The following GRID1 variants were observed in gnomAD, a reference collection of about 807,000 sequenced individuals.
GRID1 encodes the protein glutamate receptor ionotropic, delta-1.
GRID1 carries 28 observed loss-of-function variants against 98.0 expected under a neutral mutation model. That is an observed-to-expected ratio of 0.29 (90% CI 0.21 to 0.39). GRID1 has a LOEUF of 0.39. Ranked by LOEUF, GRID1 falls within the 10% of genes least tolerant of loss-of-function variation. The pLI is 1.00. For missense variants in GRID1, 1,111 were observed against 1,340.5 expected (o/e 0.83, Z 2.67); for synonymous variants, 553 against 538.5 (o/e 1.03, Z -0.37).
chr10:86,311,452 A>G (rs1410463937), intron 2 of GRID1, among the ~76,000 whole-genome samples: 2 of 152,180 alleles, frequency 1.3e-5, no homozygotes, highest in African/African-American at 4.8e-5. Flanking sequence ...GTGGCTCCAC[A>G]ACAAAACTTG....
Position 86,268,270 on chromosome 10 carries a change from C to T in GRID1, c.236-61622G>A, listed in dbSNP as rs370630882. ...CTGCTCTGGCCAATAAAATGGAAGC[C>T]GTGTGATAAGCATTTCTTCCCGGCA... On this transcript the variant is annotated intron_variant, in intron 2 of 15. Coordinates refer to ENST00000327946, the MANE Select transcript of GRID1 (RefSeq NM_017551.3). Among the ~76,000 whole-genome samples, 44 of 152,326 alleles carry T rather than the reference C, an allele frequency of 2.9e-4. No individual in the cohort carries two copies. In the South Asian group the frequency reaches 3.1e-3, roughly 11 times the overall value.
At chr10:85,606,054 T>G (rs573185368) in intron 15 of GRID1, 1 of 152,306 alleles carries the variant, frequency 6.6e-6, no homozygotes, top group East Asian at 1.9e-4. Context: ...TAATGGAGCA[T>G]TTAGAATCAA....
At chr10:85,693,993 C>T (rs971787125) in intron 12 of GRID1, among the ~76,000 whole-genome samples, 3 of 152,090 alleles carry the variant, frequency 2.0e-5, no homozygotes, top group African/African-American at 7.2e-5. Context: ...AGACAACATG[C>T]AAAATGGGAG....
At chr10:86,063,358 A>G (rs1405265458) in intron 4 of GRID1, among the ~76,000 whole-genome samples, 2 of 152,234 alleles carry the variant, frequency 1.3e-5, no homozygotes, top group African/African-American at 4.8e-5. Flanking sequence ...GAACTGGACA[A>G]TGGAGAACAT....
intron 6 of GRID1, among the ~76,000 whole-genome samples, chr10:85,858,001 G>A (rs968229675): frequency 1.3e-5 from 2 of 152,336 alleles, no homozygotes; most frequent in Non-Finnish European, 1.5e-5. Flanking sequence ...CCAATAGGAG[G>A]TGCAAGGCAT....
Position 85,617,607 on chromosome 10 carries a change from C to T in GRID1, c.2360+2260G>A, listed in dbSNP as rs574079353. On this transcript the variant is annotated intron_variant, in intron 14 of 15. Coordinates refer to ENST00000327946, the MANE Select transcript of GRID1 (RefSeq NM_017551.3). ...CCCCACTCAAGGGATAATTCCAGCC[C>T]AGGAGGAACTGTACCCTACAGGAAG... 8.3e-4 allele frequency among the ~76,000 whole-genome samples: 126 copies of T among 152,256 alleles called. 5 individuals carry two copies. In the South Asian group the frequency reaches 0.026, roughly 31 times the overall value.
chr10:85,709,134 C>T lies in GRID1; in HGVS notation c.1997+13869G>A. ...TTGAGATGGTATACCAGCAATGTGT[C>T]AGGTGCTGCAGAGCATTCTTGGAAA... On this transcript the variant is annotated intron_variant, in intron 12 of 15. Transcript: ENST00000327946. 3 of 337,536 alleles carry T rather than the reference C, an allele frequency of 8.9e-6. No individual in the cohort carries two copies. In the South Asian group the frequency reaches 1.0e-4, roughly 11 times the overall value. 20.9% of individuals were successfully genotyped at this position (337,536 alleles called of 1,614,324 possible).
chr10:86,130,457 C>T (rs188412671), intron 4 of GRID1, among the ~76,000 whole-genome samples: 5 of 152,322 alleles, frequency 3.3e-5, no homozygotes, highest in African/African-American at 1.2e-4. Flanking sequence ...CCCATATAAA[C>T]CCCAAATCCC....
chr10:86,069,501 G>C (rs1354121074), intron 4 of GRID1, among the ~76,000 whole-genome samples: 1 of 152,106 alleles, frequency 6.6e-6, no homozygotes, highest in Non-Finnish European at 1.5e-5. Context: ...ACAAAAAATT[G>C]GCACGGTGTG....
intron 4 of GRID1, among the ~76,000 whole-genome samples, chr10:86,042,529 T>C (rs1843361137): frequency 6.6e-6 from 1 of 152,126 alleles, no homozygotes; most frequent in Non-Finnish European, 1.5e-5. Flanking sequence ...AGCTCAGTGG[T>C]CCAAGAAGCT....
chr10:86,135,582 G>C (rs1441338535), intron 4 of GRID1, among the ~76,000 whole-genome samples: 1 of 152,064 alleles, frequency 6.6e-6, no homozygotes, highest in Non-Finnish European at 1.5e-5. Flanking sequence ...TAAAGACTGA[G>C]CGAGGGATGT....
intron 14 of GRID1, among the ~76,000 whole-genome samples, chr10:85,618,712 A>C (rs1842821085): frequency 6.6e-6 from 1 of 152,130 alleles, no homozygotes; most frequent in Non-Finnish European, 1.5e-5. Context: ...ACTCATGAGC[A>C]GAAGGGCACA....
At chr10:85,619,743 G>A in intron 14 of GRID1, 124 bp downstream of exon 14, 1 of 732,812 alleles carries the variant, frequency 1.4e-6, no homozygotes, top group Non-Finnish European at 2.3e-6. Flanking sequence ...GACATAGTAT[G>A]TGCTTGGGAA....
intron 2 of GRID1, among the ~76,000 whole-genome samples, chr10:86,346,362 G>C (rs925994787): frequency 6.6e-6 from 1 of 152,228 alleles, no homozygotes; most frequent in African/African-American, 2.4e-5. Flanking sequence ...AGTAGGGACT[G>C]GTGCTGGCTG....
intron 13 of GRID1, among the ~76,000 whole-genome samples, chr10:85,634,617 T>C (rs1461822219): frequency 6.6e-6 from 1 of 152,182 alleles, no homozygotes; most frequent in Non-Finnish European, 1.5e-5. Flanking sequence ...AGGTCCTCAA[T>C]GGTGAAGATA....
chr10:86,084,180 C>A (rs1423246223), intron 4 of GRID1, among the ~76,000 whole-genome samples: 1 of 152,062 alleles, frequency 6.6e-6, no homozygotes, highest in Non-Finnish European at 1.5e-5. Context: ...AAGCCTAGGG[C>A]ACTGAAGGAG....
At chr10:85,861,839 G>A (rs918129194) in intron 6 of GRID1, among the ~76,000 whole-genome samples, 6 of 152,196 alleles carry the variant, frequency 3.9e-5, no homozygotes, top group African/African-American at 1.4e-4. Context: ...TTCCAGATGA[G>A]GACTCAATTG....
At chr10:86,005,578 T>G (rs1383855695) in intron 4 of GRID1, among the ~76,000 whole-genome samples, 1 of 152,146 alleles carries the variant, frequency 6.6e-6, no homozygotes, top group Non-Finnish European at 1.5e-5. Flanking sequence ...ACTGATAAAT[T>G]AACCACCAGG....
intron 3 of GRID1, among the ~76,000 whole-genome samples, chr10:86,143,165 C>T (rs1845033648): frequency 6.6e-6 from 1 of 152,174 alleles, no homozygotes; most frequent in Non-Finnish European, 1.5e-5. Context: ...GCTACCACTG[C>T]CTGCTCCAGT....
Sources: allele counts gnomAD v4.1 joint callset (sites outside exome capture counted in the v4.1 genomes callset), GRCh38; gene constraint gnomAD v4.1.1; transcripts MANE v1.5; gene names NCBI Gene and HGNC (gene_info 2026-07-23, HGNC 2026-07-21).